The following DMGDH variants were observed in gnomAD, a reference collection of about 807,000 sequenced individuals.
DMGDH encodes dimethylglycine dehydrogenase.
In DMGDH, 76 loss-of-function variants were observed where a neutral mutation model predicts 95.2. The observed-to-expected ratio is 0.80, with a 90% CI of 0.66 to 0.97. The LOEUF is 0.97. DMGDH is among the 50% of genes least tolerant of loss of function. The probability of loss-of-function intolerance (pLI) is 0.00; values close to 1 mark genes in which losing one functional copy is unlikely to be tolerated. For missense variants in DMGDH, 987 were observed against 1,055.0 expected (o/e 0.94, Z 0.89); for synonymous variants, 345 against 377.6 (o/e 0.91, Z 1.00).
Position 79,024,326 on chromosome 5 carries a change from T to C in DMGDH, c.2195A>G (p.Asn732Ser), listed in dbSNP as rs756298186. Reference protein sequence around the residue: ...KAFRAWGLEMNCDTNPLEAGL... With the variant: ...KAFRAWGLEMSCDTNPLEAGL... ...AGCTTCCAAAGGATTTGTATCACAG[T>C]TCATCTAAAAAGGAAACACACATTT... The change falls in exon 14 of 16, where the codon AAC (asparagine) becomes AGC (serine). Residue 732 changes from asparagine to serine, a missense_variant. Transcript: ENST00000255189. 3.1e-6 allele frequency: 5 copies of C among 1,613,448 alleles called. No homozygotes were observed. The highest frequency in any genetic ancestry group is 4.2e-6 in the Non-Finnish European group (5 of 1,179,546).
At chr5:78,998,626 G>T (rs1457712446) in intron 15 of DMGDH, among the ~76,000 whole-genome samples, 1 of 152,180 alleles carries the variant, frequency 6.6e-6, no homozygotes, top group Non-Finnish European at 1.5e-5. Flanking sequence ...GAGGCAGGCG[G>T]ATCATTTGAG....
intron 14 of DMGDH, among the ~76,000 whole-genome samples, chr5:79,012,614 C>T (rs1461661871): frequency 1.3e-5 from 2 of 152,232 alleles, no homozygotes; most frequent in African/African-American, 4.8e-5. Context: ...CTTCTACTTG[C>T]CCATCCAGGC....
intron 14 of DMGDH, among the ~76,000 whole-genome samples, chr5:79,007,030 A>C (rs552755556): frequency 1.4e-4 from 22 of 152,228 alleles, no homozygotes; most frequent in Non-Finnish European, 2.8e-4. Context: ...CCCCAGGGTG[A>C]TACAACTGGT....
chr5:79,060,176 A>T (rs1433526227), intron 2 of DMGDH, among the ~76,000 whole-genome samples: 5 of 152,180 alleles, frequency 3.3e-5, no homozygotes, highest in Admixed American at 2.6e-4. Flanking sequence ...AGACAAAAAC[A>T]AATGGAAAGT....
intron 11 of DMGDH, among the ~76,000 whole-genome samples, chr5:79,029,219 G>A (rs558785628): frequency 1.3e-5 from 2 of 152,246 alleles, no homozygotes; most frequent in East Asian, 3.9e-4. Context: ...ATGTTCATCT[G>A]GATTTACACA....
At position 79,006,845 on chromosome 5, in the gene DMGDH, A is replaced by ACCCCCC. The variant is rs3214906; in HGVS notation, c.2251-1444_2251-1439dup. On this transcript the variant is annotated intron_variant, in intron 14 of 15. Transcript: ENST00000255189. The stretch of plus-strand genomic sequence containing the variant: ...GGGTCCTCACACACCCTCACCTGAG[A>ACCCCCC]CCCCCCCAGTCCATTCCTTTCCTAG... Among the ~76,000 whole-genome samples, 37 of 95,302 alleles carry ACCCCCC rather than the reference A, an allele frequency of 3.9e-4. 1 individual carries two copies. The Admixed American group carries it at 4.1e-3, about 11-fold the overall frequency. 62.5% of individuals were successfully genotyped at this position (95,302 alleles called of 152,430 possible).
At chr5:78,998,407 T>C in intron 15 of DMGDH, 110 bp from the exon 16 acceptor site, 1 of 1,043,754 alleles carries the variant, frequency 9.6e-7, no homozygotes, top group Non-Finnish European at 1.4e-6. Context: ...ATGGAAGTTT[T>C]ATGAAGTGCT....
chr5:79,051,238 T>C (rs769361401), intron 5 of DMGDH, 49 bp downstream of exon 5: 1 of 1,571,896 alleles, frequency 6.4e-7, no homozygotes, highest in South Asian at 1.1e-5. Flanking sequence ...AAATATCTTC[T>C]TTCTTTGGCA....
At chr5:79,065,875 A>G (rs1484378623) in intron 1 of DMGDH, among the ~76,000 whole-genome samples, 2 of 152,182 alleles carry the variant, frequency 1.3e-5, no homozygotes, top group Non-Finnish European at 2.9e-5. Flanking sequence ...CGGGACCACC[A>G]TTGTATATGT....
intron 9 of DMGDH, among the ~76,000 whole-genome samples, chr5:79,031,711 G>A (rs1346669041): frequency 2.0e-5 from 3 of 152,196 alleles, no homozygotes; most frequent in African/African-American, 7.2e-5. Context: ...TTTATGAAGT[G>A]GACTTCTAAT....
At chr5:79,064,003 T>G (rs1755294370) in intron 1 of DMGDH, among the ~76,000 whole-genome samples, 1 of 152,242 alleles carries the variant, frequency 6.6e-6, no homozygotes, top group Non-Finnish European at 1.5e-5. Context: ...ATGATTCTGG[T>G]CCATTGTAGC....
chr5:79,066,861 G>A (rs1012009284), intron 1 of DMGDH, among the ~76,000 whole-genome samples: 2 of 152,120 alleles, frequency 1.3e-5, no homozygotes, highest in African/African-American at 4.8e-5. Context: ...AATGTGAAGT[G>A]TTACTTTGAG....
chr5:79,005,135 G>T, intron 15 of DMGDH, 138 bp downstream of exon 15: 2 of 1,171,212 alleles, frequency 1.7e-6, no homozygotes, highest in Non-Finnish European at 2.5e-6. Context: ...TCTTTTGAAT[G>T]TCAGCTCAGA....
At chr5:79,003,045 T>C (rs1221255611) in intron 15 of DMGDH, among the ~76,000 whole-genome samples, 2 of 152,232 alleles carry the variant, frequency 1.3e-5, no homozygotes, top group Non-Finnish European at 2.9e-5. Flanking sequence ...TATCATCATA[T>C]TTAAGGTGGC....
At chr5:79,047,639 A>C (rs2461249) in intron 5 of DMGDH, among the ~76,000 whole-genome samples, 2 of 151,894 alleles carry the variant, frequency 1.3e-5, no homozygotes, top group Non-Finnish European at 2.9e-5. Flanking sequence ...GGTAGAGTGA[A>C]GCCAATTTGG....
intron 15 of DMGDH, among the ~76,000 whole-genome samples, chr5:79,001,789 T>C (rs1311442997): frequency 3.3e-5 from 5 of 152,378 alleles, no homozygotes; most frequent in Middle Eastern, 3.4e-3. Flanking sequence ...GAATTTACTT[T>C]CATTTCTACT....
chr5:79,006,302 A>C (rs2112600298), intron 14 of DMGDH, among the ~76,000 whole-genome samples: 1 of 152,276 alleles, frequency 6.6e-6, no homozygotes. Context: ...ACCTGTGAGT[A>C]GGACACACAA....
rs770899594 is a variant in DMGDH at position 79,030,869 on chromosome 5, T to G, written c.1647A>C (p.Arg549Ser). 1 of 1,614,040 alleles carries G rather than the reference T, an allele frequency of 6.2e-7. No individual in the cohort carries two copies. The highest frequency in any genetic ancestry group is 8.5e-7 in the Non-Finnish European group (1 of 1,180,008). The change falls in exon 10 of 16, where the codon AGA becomes AGC. Residue 549 changes from arginine to serine, a missense_variant. Arg to Ser is a moderately radical substitution (Grantham distance 110, BLOSUM62 -1). Coordinates refer to ENST00000255189, the MANE Select transcript of DMGDH (RefSeq NM_013391.3). ...KFNIKGQDSIRLLDHLFANVI... is the reference protein window; with the variant it reads ...KFNIKGQDSISLLDHLFANVI... ...CATTTGCAAAGAGATGGTCCAGTAG[T>G]CTAATGGAATCTTGGCCTTTGATGT...
At position 79,032,720 on chromosome 5, in the gene DMGDH, C is replaced by G. The variant is rs1473556332; in HGVS notation, c.1484G>C (p.Trp495Ser). The G allele has an allele frequency of 1.2e-6, 2 of 1,614,054 alleles. No homozygotes were observed. Among genetic ancestry groups the G allele is most frequent in the African/African-American group, 1.3e-5 (1 of 74,918 alleles). ...AGTGTCCTGGCCTGGTTTGTAGAACCAGTGCGGCTGCTCCCAGCCAGCATG... is the reference window on the plus strand; with the variant it reads ...AGTGTCCTGGCCTGGTTTGTAGAACGAGTGCGGCTGCTCCCAGCCAGCATG... ...GFHAGWEQPH[W>S]FYKPGQDTQY... The change falls in exon 9 of 16, where the codon TGG (tryptophan) becomes TCG (serine). Residue 495 changes from tryptophan to serine, a missense_variant. Trp to Ser is a radical substitution (Grantham distance 177). Coordinates refer to ENST00000255189, the MANE Select transcript of DMGDH (RefSeq NM_013391.3).
Sources: gnomAD v4.1 joint callset for allele counts (sites outside exome capture counted in the v4.1 genomes callset) on GRCh38, gnomAD v4.1.1 for gene constraint, MANE v1.5 for transcripts, NCBI Gene and HGNC (gene_info 2026-07-23, HGNC 2026-07-21) for gene names.